Variants in THSD7B observed in about 807,000 individuals in gnomAD.
THSD7B encodes thrombospondin type-1 domain-containing protein 7B.
In THSD7B, 138 loss-of-function variants were observed where a neutral mutation model predicts 213.6. That is an observed-to-expected ratio of 0.65 (90% CI 0.56 to 0.74). The LOEUF is 0.74. Ranked by LOEUF, THSD7B falls within the 30% of genes least tolerant of loss-of-function variation. THSD7B has a pLI of 0.00. For synonymous variants in THSD7B, 742 were observed against 687.0 expected (o/e 1.08, Z -1.25); for missense variants, 1,931 against 1,991.5 (o/e 0.97, Z 0.58).
At chr2:136,918,634 A>G (rs182275711) in intron 2 of THSD7B, among the ~76,000 whole-genome samples, 171 of 152,322 alleles carry the variant, frequency 1.1e-3, no homozygotes, top group African/African-American at 4.0e-3. Context: ...AGGTAAGGAT[A>G]ACGACAGAAG....
At position 137,565,992 on chromosome 2, in the gene THSD7B, C is replaced by A. The variant is rs571346062; in HGVS notation, c.3272+2638C>A. On this transcript the variant is annotated intron_variant, in intron 16 of 27. Transcript: ENST00000409968. ...CTCACAATGCACCATGCTGTATGTA[C>A]GTAATTACTTTTAAATATGTGAAGC... 9.2e-5 allele frequency among the ~76,000 whole-genome samples: 14 copies of A among 152,214 alleles called. No individual in the cohort carries two copies. In the South Asian group the frequency reaches 2.9e-3, roughly 32 times the overall value.
rs1029005866 is a variant in THSD7B at position 137,411,761 on chromosome 2, C to A, written c.2848C>A (p.Leu950Met). ...AGGCAGAAGGGAGCCTCACCGAGGA[C>A]TGCGGGTACAAGCAGACAGCAAAGA... ...PEGRREPHRGLRVQADSKECG... is the reference protein window; with the variant it reads ...PEGRREPHRGMRVQADSKECG... Residue 950 changes from leucine to methionine, a missense_variant, in exon 14 of 28, where the codon CTG becomes ATG. By Grantham distance (15) the Leu-to-Met change is conservative. Transcript: ENST00000409968. 3.2e-5 allele frequency: 51 copies of A among 1,613,778 alleles called. No homozygotes were observed. Among genetic ancestry groups the A allele is most frequent in the Non-Finnish European group, 4.0e-5 (47 of 1,179,894 alleles).
At chr2:136,918,787 C>T (rs1035004937) in intron 2 of THSD7B, among the ~76,000 whole-genome samples, 1 of 152,190 alleles carries the variant, frequency 6.6e-6, no homozygotes, top group African/African-American at 2.4e-5. Context: ...GCAACTTCAT[C>T]TAAGAAAAAT....
chr2:137,559,094 G>A (rs897035711), intron 15 of THSD7B, among the ~76,000 whole-genome samples: 40 of 152,180 alleles, frequency 2.6e-4, no homozygotes, highest in Non-Finnish European at 1.8e-4. Context: ...AACATTCCAA[G>A]CTCATGGATA....
At chr2:137,164,413 C>A (rs1434463086) in intron 6 of THSD7B, among the ~76,000 whole-genome samples, 2 of 152,174 alleles carry the variant, frequency 1.3e-5, no homozygotes, top group Non-Finnish European at 2.9e-5. Context: ...GAAATAGGAA[C>A]ACTTTTACAC....
At chr2:137,142,688 A>T (rs917013356) in intron 5 of THSD7B, among the ~76,000 whole-genome samples, 1 of 152,070 alleles carries the variant, frequency 6.6e-6, no homozygotes, top group Non-Finnish European at 1.5e-5. Flanking sequence ...ACTAGGTAGG[A>T]AATCTATCAC....
chr2:136,995,304 G>A (rs1313142791), intron 2 of THSD7B, among the ~76,000 whole-genome samples: 13 of 151,748 alleles, frequency 8.6e-5, no homozygotes, highest in African/African-American at 1.2e-4. Context: ...GGGATAAGGA[G>A]ATGGGAAGAT....
chr2:137,131,906 A>G (rs1175609681), intron 5 of THSD7B, among the ~76,000 whole-genome samples: 2 of 151,856 alleles, frequency 1.3e-5, no homozygotes, highest in Admixed American at 6.6e-5. Flanking sequence ...GTTTTTTCCA[A>G]TTCTGTGAAG....
chr2:137,070,562 A>G (rs59686457), intron 3 of THSD7B, among the ~76,000 whole-genome samples: 1 of 150,484 alleles, frequency 6.6e-6, no homozygotes, highest in Non-Finnish European at 1.5e-5. Context: ...TTTTTTTTTT[A>G]AATTTTATTA....
intron 12 of THSD7B, among the ~76,000 whole-genome samples, chr2:137,344,555 G>A (rs906824089): frequency 2.0e-5 from 3 of 151,588 alleles, no homozygotes; most frequent in African/African-American, 7.3e-5. Flanking sequence ...CTTACAAATA[G>A]CCCCGATCGA....
chr2:136,998,441 T>G (rs1685937357), intron 2 of THSD7B, among the ~76,000 whole-genome samples: 1 of 152,134 alleles, frequency 6.6e-6, no homozygotes, highest in African/African-American at 2.4e-5. Flanking sequence ...TGAGTGAGGA[T>G]GGCTGCTGCT....
intron 15 of THSD7B, among the ~76,000 whole-genome samples, chr2:137,528,760 A>C (rs1360522685): frequency 1.3e-5 from 2 of 152,086 alleles, no homozygotes; most frequent in Admixed American, 1.3e-4. Flanking sequence ...TGTTGAAAAT[A>C]AAAATTCCAA....
intron 15 of THSD7B, among the ~76,000 whole-genome samples, chr2:137,467,744 A>G (rs893278364): frequency 3.9e-5 from 6 of 152,168 alleles, no homozygotes; most frequent in African/African-American, 9.6e-5. Context: ...TACTTTCTCT[A>G]TGAGGATGCA....
At chr2:137,055,170 C>T (rs1687139739) in intron 2 of THSD7B, among the ~76,000 whole-genome samples, 1 of 152,240 alleles carries the variant, frequency 6.6e-6, no homozygotes, top group South Asian at 2.1e-4. Context: ...TTTTCTTTAT[C>T]CGGTCTATAA....
intron 5 of THSD7B, among the ~76,000 whole-genome samples, chr2:137,154,035 C>G (rs1228725109): frequency 6.6e-6 from 1 of 152,066 alleles, no homozygotes; most frequent in African/African-American, 2.4e-5. Context: ...ACTTCTTTAT[C>G]TAACTTCTTT....
chr2:137,214,761 C>T (rs571499345), intron 7 of THSD7B, among the ~76,000 whole-genome samples: 25 of 152,128 alleles, frequency 1.6e-4, no homozygotes, highest in East Asian at 3.9e-4. Flanking sequence ...AGGACATGAG[C>T]GCATCCTTTT....
chr2:137,327,007 T>C (rs1365915512), intron 12 of THSD7B, among the ~76,000 whole-genome samples: 1 of 152,224 alleles, frequency 6.6e-6, no homozygotes, highest in Non-Finnish European at 1.5e-5. Context: ...GTTGATTCTT[T>C]CCTGCAAAAC....
chr2:136,877,935 T>G (rs1462226721), intron 1 of THSD7B, among the ~76,000 whole-genome samples: 1 of 151,544 alleles, frequency 6.6e-6, no homozygotes, highest in African/African-American at 2.4e-5. Flanking sequence ...GTTTTTTTAA[T>G]TATACTTTAA....
chr2:137,360,653 G>A (rs536338682), intron 12 of THSD7B, among the ~76,000 whole-genome samples: 1 of 152,296 alleles, frequency 6.6e-6, no homozygotes, highest in East Asian at 1.9e-4. Context: ...CCTGGCTAGG[G>A]GAGGGGCGTC....
Sources: gnomAD v4.1 joint callset for allele counts (sites outside exome capture counted in the v4.1 genomes callset) on GRCh38, gnomAD v4.1.1 for gene constraint, MANE v1.5 for transcripts, NCBI Gene and HGNC (gene_info 2026-07-23, HGNC 2026-07-21) for gene names.